EPHA3: variants seen among roughly 807,000 people sequenced by gnomAD.
EPHA3 encodes EPH receptor A3.
In EPHA3, 42 loss-of-function variants were observed where a neutral mutation model predicts 107.1. The observed-to-expected ratio is 0.39, with a 90% confidence interval of 0.31 to 0.51. The LOEUF (loss-of-function observed/expected upper bound fraction) is 0.51, where lower values mean the gene tolerates loss of function less well. Among genes scored for constraint, EPHA3 ranks in the 20% least tolerant of loss-of-function variants. The pLI is 0.78. For synonymous variants in EPHA3, 461 were observed against 424.8 expected (o/e 1.09, Z -1.05); for missense variants, 1,183 against 1,211.2 (o/e 0.98, Z 0.35).
chr3:89,413,333 CCTAAGTATATTG>C, intron 10 of EPHA3, 67 bp downstream of exon 10: 1 of 1,577,974 alleles, frequency 6.3e-7, no homozygotes, highest in South Asian at 1.1e-5. Context: ...GTCTCTGAAA[CCTAAGTATATTG>C]CTAAAGAAAT....
chr3:89,234,819 CTTCCT>C (rs1194044320), intron 3 of EPHA3, among the ~76,000 whole-genome samples: 1 of 94,940 alleles, frequency 1.1e-5, no homozygotes, highest in African/African-American at 4.3e-5. Flanking sequence ...CCTTTCTTTC[CTTCCT>C]TTCCTTTCCT....
intron 3 of EPHA3, among the ~76,000 whole-genome samples, chr3:89,303,226 C>G (rs967915808): frequency 6.6e-6 from 1 of 151,944 alleles, no homozygotes; most frequent in Non-Finnish European, 1.5e-5. Context: ...GTATTTCTTG[C>G]GTTTTAAAAT....
intron 3 of EPHA3, among the ~76,000 whole-genome samples, chr3:89,337,797 C>G (rs1707428045): frequency 6.6e-6 from 1 of 152,188 alleles, no homozygotes; most frequent in Non-Finnish European, 1.5e-5. Context: ...TCTAGTCACT[C>G]AGGTATGCCG....
intron 3 of EPHA3, among the ~76,000 whole-genome samples, chr3:89,235,219 G>A (rs1398788331): frequency 6.6e-6 from 1 of 151,860 alleles, no homozygotes; most frequent in Non-Finnish European, 1.5e-5. Flanking sequence ...ACCCTGCCCA[G>A]CCTGGATTTT....
chr3:89,152,514 A>C (rs1704710843), intron 2 of EPHA3, among the ~76,000 whole-genome samples: 1 of 152,062 alleles, frequency 6.6e-6, no homozygotes, highest in South Asian at 2.1e-4. Flanking sequence ...CATACTGTTA[A>C]ACTTTTTAGG....
chr3:89,338,750 T>C (rs976832687), intron 3 of EPHA3, among the ~76,000 whole-genome samples: 16 of 152,192 alleles, frequency 1.1e-4, no homozygotes, highest in African/African-American at 3.6e-4. Flanking sequence ...GGTTTCACCG[T>C]GTTAGCCAAG....
chr3:89,431,452 G>A, intron 13 of EPHA3, 93 bp downstream of exon 13: 2 of 1,030,236 alleles, frequency 1.9e-6, no homozygotes, highest in Non-Finnish European at 2.8e-6. Flanking sequence ...CCCAAAACGT[G>A]TTGTCAATTA....
At chr3:89,449,760 T>A (rs1387683296) in intron 14 of EPHA3, among the ~76,000 whole-genome samples, 4 of 152,208 alleles carry the variant, frequency 2.6e-5, no homozygotes, top group African/African-American at 7.2e-5. Context: ...ACAAAAAAAA[T>A]TACTATAATT....
chr3:89,383,188 T>G (rs990990553), intron 5 of EPHA3, among the ~76,000 whole-genome samples: 1 of 152,214 alleles, frequency 6.6e-6, no homozygotes, highest in Non-Finnish European at 1.5e-5. Flanking sequence ...AGTTGTAGTT[T>G]GCTAATAAAA....
intron 13 of EPHA3, among the ~76,000 whole-genome samples, chr3:89,443,386 G>C (rs1709820642): frequency 6.6e-6 from 1 of 152,054 alleles, no homozygotes. Context: ...TATCGTTGTG[G>C]AGTTCTTAAA....
At chr3:89,255,927 T>A (rs1317458575) in intron 3 of EPHA3, among the ~76,000 whole-genome samples, 1 of 150,304 alleles carries the variant, frequency 6.7e-6, no homozygotes, top group African/African-American at 2.5e-5. Flanking sequence ...AATAAATAAA[T>A]AAAAATAAAA....
chr3:89,143,172 A>G (rs1050261039), intron 2 of EPHA3, among the ~76,000 whole-genome samples: 24 of 151,424 alleles, frequency 1.6e-4, no homozygotes, highest in African/African-American at 5.3e-4. Flanking sequence ...AAAAAATTAA[A>G]TTGTTTTTAA....
chr3:89,359,235 A>C (rs2107455194), intron 5 of EPHA3, among the ~76,000 whole-genome samples: 1 of 151,158 alleles, frequency 6.6e-6, no homozygotes, highest in East Asian at 1.9e-4. Flanking sequence ...ATTGTTTTGA[A>C]GATACCTGGC....
chr3:89,418,467 C>T (rs951066751), intron 10 of EPHA3, among the ~76,000 whole-genome samples: 8 of 151,288 alleles, frequency 5.3e-5, no homozygotes, highest in African/African-American at 1.9e-4. Context: ...TAGTTCTAGG[C>T]AGTTTTATAT....
chr3:89,130,169 G>T (rs1291390521), intron 2 of EPHA3, among the ~76,000 whole-genome samples: 2 of 152,002 alleles, frequency 1.3e-5, no homozygotes. Flanking sequence ...GGAGACAAGA[G>T]GTACTGCTAA....
At chr3:89,358,710 T>C (rs1708020615) in intron 5 of EPHA3, among the ~76,000 whole-genome samples, 1 of 151,150 alleles carries the variant, frequency 6.6e-6, no homozygotes, top group African/African-American at 2.4e-5. Flanking sequence ...TATAATAGTT[T>C]TATCTTTTTT....
intron 5 of EPHA3, among the ~76,000 whole-genome samples, chr3:89,354,061 C>T (rs187312161): frequency 1.5e-4 from 22 of 151,328 alleles, no homozygotes; most frequent in Admixed American, 1.5e-3. Context: ...TTGATGCTAA[C>T]TTGTTGTATG....
At chr3:89,383,736 C>T (rs1389147966) in intron 5 of EPHA3, among the ~76,000 whole-genome samples, 1 of 149,646 alleles carries the variant, frequency 6.7e-6, no homozygotes, top group Non-Finnish European at 1.5e-5. Flanking sequence ...GCAAGCTCCA[C>T]CTCCCGGGTT....
In EPHA3 at chr3:89,413,243, C is replaced by T. The variant is rs2107522091; in HGVS notation, c.1865C>T (p.Ser622Phe). 1.2e-6 allele frequency: 2 copies of T among 1,611,676 alleles called. No homozygotes were observed. Among genetic ancestry groups the T allele is most frequent in the Non-Finnish European group, 1.7e-6 (2 of 1,178,314 alleles). Residue 622 changes from serine to phenylalanine, a missense_variant, in exon 10 of 17, where the codon TCC (serine) becomes TTC (phenylalanine). Physicochemically the swap from Ser to Phe is radical, Grantham distance 155 (BLOSUM62 -2). Coordinates refer to ENST00000336596, the MANE Select transcript of EPHA3 (RefSeq NM_005233.6). ...FAKELDATNISIDKVVGAGEF... is the reference protein window; with the variant it reads ...FAKELDATNIFIDKVVGAGEF... Reference sequence around the variant, plus strand: ...AAGGAATTGGATGCCACCAACATATCCATTGATAAAGTTGTTGGAGCAGGT... The same window carrying T: ...AAGGAATTGGATGCCACCAACATATTCATTGATAAAGTTGTTGGAGCAGGT...
Sources: gnomAD v4.1 joint callset for allele counts (sites outside exome capture counted in the v4.1 genomes callset) on GRCh38, gnomAD v4.1.1 for gene constraint, MANE v1.5 for transcripts, NCBI Gene and HGNC (gene_info 2026-07-23, HGNC 2026-07-21) for gene names.